The following CD101 variants were observed in gnomAD, a reference collection of about 807,000 sequenced individuals.
CD101 encodes immunoglobulin superfamily member 2.
A neutral mutation model predicts 98.2 loss-of-function variants in CD101; 76 were observed. The observed-to-expected ratio is 0.77, with a 90% confidence interval of 0.64 to 0.94. CD101 has a LOEUF of 0.94. Ranked by LOEUF, CD101 falls within the 40% of genes least tolerant of loss-of-function variation. The probability of loss-of-function intolerance (pLI) is 0.00; values close to 1 mark genes in which losing one functional copy is unlikely to be tolerated. For missense variants in CD101, 1,145 were observed against 1,218.8 expected (o/e 0.94, Z 0.90); for synonymous variants, 471 against 472.7 (o/e 1.00, Z 0.05).
chr1:117,030,728 A>T (rs1217556935), intron 8 of CD101, among the ~76,000 whole-genome samples: 1 of 152,240 alleles, frequency 6.6e-6, no homozygotes, highest in Non-Finnish European at 1.5e-5. Context: ...TGCACTTGTT[A>T]TCAGGTTACC....
chr1:117,018,210 A>G lies in CD101; in HGVS notation c.1667A>G (p.Asn556Ser). Residue 556 changes from asparagine (N) to serine (S), a missense_variant, in exon 6 of 10, where the codon AAC becomes AGC. Asn to Ser is a conservative substitution (Grantham distance 46). Coordinates refer to ENST00000682167, the MANE Select transcript of CD101 (RefSeq NM_001256106.3). The surrounding 1 kb of genome is among the most constrained non-coding windows in gnomAD (Gnocchi z 4.3). ...MSRQPQVMLT[N>S]TFDLSCVVRA... is the part of the protein sequence containing the mutation. ...CGTCAGCCGCAAGTGATGTTAACCA[A>G]CACCTTTGACCTGTCCTGTGTCGTG... is the stretch of plus-strand genomic sequence containing the variant. 1.2e-6 allele frequency: 2 copies of G among 1,612,442 alleles called. No homozygotes were observed. The highest frequency in any genetic ancestry group is 1.1e-5 in the South Asian group (1 of 90,868).
At position 117,005,645 on chromosome 1, in the gene CD101, CT is replaced by C. The variant is rs1218307362; in HGVS notation, c.43+3787del. On this transcript the variant is annotated intron_variant, in intron 1 of 9. Coordinates refer to ENST00000682167, the MANE Select transcript of CD101 (RefSeq NM_001256106.3). The surrounding 1 kb of genome is among the most constrained non-coding windows in gnomAD (Gnocchi z 4.4). ...GAGAGAAATTCCCTAGTAATCTCTCCTTAGTCCTCTTCCTTCTGTTCCCCAA... is the reference window on the plus strand; with the variant it reads ...GAGAGAAATTCCCTAGTAATCTCTCCTAGTCCTCTTCCTTCTGTTCCCCAA... 6.6e-6 allele frequency among the ~76,000 whole-genome samples: 1 copy of C among 152,138 alleles called. No individual in the cohort carries two copies. Among genetic ancestry groups the C allele is most frequent in the African/African-American group, 2.4e-5 (1 of 41,408 alleles).
chr1:117,011,477 C>T (rs1290065392), intron 2 of CD101, 73 bp from the exon 3 acceptor site: 48 of 1,331,756 alleles, frequency 3.6e-5, no homozygotes, highest in Admixed American at 2.2e-4. Context: ...TAGGGTAGCT[C>T]AGGGCGCCAT....
intron 1 of CD101, among the ~76,000 whole-genome samples, chr1:117,003,989 T>C (rs2764852): frequency 0.58 from 87,720 of 152,020 alleles, 25,568 homozygotes; most frequent in East Asian, 0.67. Flanking sequence ...AATTTTTTTT[T>C]AGTAAATATA....
intron 8 of CD101, among the ~76,000 whole-genome samples, chr1:117,029,155 GAAAGA>G (rs1654169853): frequency 2.3e-5 from 2 of 85,330 alleles, no homozygotes; most frequent in Non-Finnish European, 4.9e-5. Flanking sequence ...AAGAAAGAAA[GAAAGA>G]AAGAAAGAAA....
At chr1:117,034,302 C>T in intron 9 of CD101, 168 bp downstream of exon 9, 1 of 607,898 alleles carries the variant, frequency 1.6e-6, no homozygotes. Flanking sequence ...CCTCATCCAC[C>T]TCTCGCATCC....
chr1:117,018,548 G>T lies in CD101; in HGVS notation c.2005G>T (p.Val669Phe), dbSNP rs376092353. The T allele has an allele frequency of 1.0e-5, 16 of 1,590,704 alleles. No homozygotes were observed. The highest frequency in any genetic ancestry group is 7.0e-5 in the Admixed American group (4 of 56,962). ...CATCTCTCACCCACTGAGGATAGCCGTCACTTTACCAGGTAAGTGTGACTT... is the reference window on the plus strand; with the variant it reads ...CATCTCTCACCCACTGAGGATAGCCTTCACTTTACCAGGTAAGTGTGACTT... ...SAISHPLRIA[V>F]TLPESKLKVN... The change falls in exon 6 of 10, where the codon GTC becomes TTC. Residue 669 changes from valine to phenylalanine, a missense_variant. By Grantham distance (50) the Val-to-Phe change is conservative. Transcript: ENST00000682167. The surrounding 1 kb of genome is among the most constrained non-coding windows in gnomAD (Gnocchi z 4.3).
chr1:117,034,379 A>G, intron 9 of CD101: 1 of 435,490 alleles, frequency 2.3e-6, no homozygotes, highest in Non-Finnish European at 4.2e-6. Context: ...GGCTGCAAGG[A>G]GATAAGAGGC....
intron 1 of CD101, among the ~76,000 whole-genome samples, chr1:117,008,439 T>C (rs796087122): frequency 5.9e-5 from 9 of 151,984 alleles, no homozygotes; most frequent in African/African-American, 2.2e-4. Context: ...CACTCCAGCC[T>C]GGGTGACAGA....
chr1:117,025,480 C>G (rs1232524307), intron 7 of CD101, 29 bp from the exon 8 acceptor site: 1 of 1,504,052 alleles, frequency 6.6e-7, no homozygotes, highest in Non-Finnish European at 8.8e-7. Flanking sequence ...AGTCTGCATT[C>G]TCTAATTTAC....
At chr1:117,034,414 T>TAA (rs1294847178) in intron 9 of CD101, among the ~76,000 whole-genome samples, 1 of 152,192 alleles carries the variant, frequency 6.6e-6, no homozygotes, top group Non-Finnish European at 1.5e-5. Context: ...TCTGGAGGGC[T>TAA]AAATGAGATC....
rs751714684 is a variant in CD101, at chr1:117,018,510, C to T, written c.1967C>T (p.Pro656Leu). Reference sequence around the variant, plus strand: ...AATTCCCTATACAACAACCGCCCCCCGAGGGCTTCTGCCATCTCTCACCCA... The same window carrying T: ...AATTCCCTATACAACAACCGCCCCCTGAGGGCTTCTGCCATCTCTCACCCA... ...DRNSLYNNRP[P>L]RASAISHPLR... Residue 656 changes from proline (P) to leucine (L), a missense_variant, in exon 6 of 10, where the codon CCG becomes CTG. Physicochemically the swap from Pro to Leu is moderately conservative, Grantham distance 98. Transcript: ENST00000682167. The surrounding 1 kb of genome is among the most constrained non-coding windows in gnomAD (Gnocchi z 4.3). 2.0e-5 allele frequency: 32 copies of T among 1,612,210 alleles called. No homozygotes were observed. The highest frequency in any genetic ancestry group is 3.3e-4 in the Middle Eastern group (2 of 6,078).
At chr1:117,034,185 G>T in intron 9 of CD101, 51 bp downstream of exon 9, 1 of 1,523,882 alleles carries the variant, frequency 6.6e-7, no homozygotes, top group Non-Finnish European at 8.9e-7. Flanking sequence ...TCCTGGTTCT[G>T]TCCTCAACTA....
At chr1:117,034,192 A>G (rs1570754272) in intron 9 of CD101, 58 bp downstream of exon 9, 2 of 1,506,744 alleles carry the variant, frequency 1.3e-6, no homozygotes, top group Non-Finnish European at 1.8e-6. Flanking sequence ...TCTGTCCTCA[A>G]CTATGTCTGC....
intron 8 of CD101, among the ~76,000 whole-genome samples, chr1:117,027,324 T>G (rs1275515761): frequency 6.6e-6 from 1 of 152,138 alleles, no homozygotes; most frequent in Non-Finnish European, 1.5e-5. Flanking sequence ...CAGAGTCTGT[T>G]CCCACCGAGC....
rs114017326 is a variant in CD101, at chr1:117,004,016, G to C, written c.43+2156G>C. ...GTAAATATAAGGACTGAACAATCCT[G>C]ATAGAAAATGGTGCCATATGAGATT... On this transcript the variant is annotated intron_variant, in intron 1 of 9. Coordinates refer to ENST00000682167, the MANE Select transcript of CD101 (RefSeq NM_001256106.3). The surrounding 1 kb of genome is among the most constrained non-coding windows in gnomAD (Gnocchi z 4.1). Among the ~76,000 whole-genome samples the C allele has an allele frequency of 5.5e-4, 84 of 152,230 alleles. No homozygotes were observed. The highest frequency in any genetic ancestry group is 1.8e-3 in the African/African-American group (76 of 41,538).
At chr1:117,030,468 A>G (rs1474498829) in intron 8 of CD101, among the ~76,000 whole-genome samples, 1 of 151,990 alleles carries the variant, frequency 6.6e-6, no homozygotes, top group East Asian at 1.9e-4. Flanking sequence ...GAAAGAAAAA[A>G]AGAGAGAGAG....
Position 117,033,976 on chromosome 1 carries a change from G to C in CD101, c.2941G>C (p.Ala981Pro). ...CTCCCTCCTCTGCTTATACTGGAAG[G>C]CCAGGAAGTTGTCAACACTGCGTTC... ...LISLLCLYWK[A>P]RKLSTLRSNT... The change falls in exon 9 of 10, where the codon GCC becomes CCC. Residue 981 changes from alanine to proline, a missense_variant. Physicochemically the swap from Ala to Pro is conservative, Grantham distance 27 (BLOSUM62 -1). Transcript: ENST00000682167. This position sits in a 1 kb window ranked among gnomAD's most constrained non-coding sequence, Gnocchi z 4.8. 6.2e-7 allele frequency: 1 copy of C among 1,614,068 alleles called. No homozygotes were observed. Among genetic ancestry groups the C allele is most frequent in the East Asian group, 2.2e-5 (1 of 44,884 alleles).
Position 117,006,221 on chromosome 1 carries a change from C to T in CD101, c.44-3629C>T, listed in dbSNP as rs762931375. On this transcript the variant is annotated intron_variant, in intron 1 of 9. Coordinates refer to ENST00000682167, the MANE Select transcript of CD101 (RefSeq NM_001256106.3). The surrounding 1 kb of genome is among the most constrained non-coding windows in gnomAD (Gnocchi z 4.4). Reference sequence around the variant, plus strand: ...AACCCTGCTACTCCCAAGCATCCAACGCACTGAAAACTACAGATTTTGTCT... The same window carrying T: ...AACCCTGCTACTCCCAAGCATCCAATGCACTGAAAACTACAGATTTTGTCT... Among the ~76,000 whole-genome samples, 4 of 152,274 alleles carry T rather than the reference C, an allele frequency of 2.6e-5. No homozygotes were observed. The highest frequency in any genetic ancestry group is 2.1e-4 in the South Asian group (1 of 4,822).
Sources: gnomAD v4.1 joint callset for allele counts (sites outside exome capture counted in the v4.1 genomes callset) on GRCh38, gnomAD v4.1.1 for gene constraint, Gnocchi (gnomAD v3.1) non-coding constraint, MANE v1.5 for transcripts, NCBI Gene and HGNC (gene_info 2026-07-23, HGNC 2026-07-21) for gene names.